The following LZTR1 variants were observed in gnomAD, a reference collection of about 807,000 sequenced individuals.
The protein encoded by LZTR1 is leucine-zipper-like transcriptional regulator 1.
In LZTR1, 260 loss-of-function variants were observed where a neutral mutation model predicts 105.7. The ratio of observed to expected loss-of-function variants is 2.46; its 90% CI spans 2.22 to 2.72. LZTR1 has a LOEUF of 2.72. Among genes scored for constraint, LZTR1 ranks in the 30% most tolerant of loss-of-function variants. The probability of loss-of-function intolerance (pLI) is 0.00; values close to 1 mark genes in which losing one functional copy is unlikely to be tolerated. For synonymous variants in LZTR1, 490 were observed against 476.4 expected (o/e 1.03, Z -0.37); for missense variants, 1,214 against 1,166.9 (o/e 1.04, Z -0.59).
intron 1 of LZTR1, 28 bp downstream of exon 1, chr22:20,982,599 G>C (rs1266744695): frequency 6.2e-7 from 1 of 1,603,976 alleles, no homozygotes; most frequent in Admixed American, 1.7e-5. Flanking sequence ...GGGTCCTGAG[G>C]ACAGGAAGGG....
intron 3 of LZTR1, chr22:20,986,658 TTATA>T (rs957133380): frequency 2.0e-5 from 3 of 152,108 alleles, no homozygotes; most frequent in East Asian, 1.9e-4. Context: ...GATGGATAGA[TTATA>T]TAGGTAGATG....
intron 3 of LZTR1, chr22:20,986,629 T>C (rs1924398443): frequency 6.6e-6 from 1 of 152,042 alleles, no homozygotes; most frequent in African/African-American, 2.4e-5. Context: ...GGTAGATAGA[T>C]GATAGATGAC....
At chr22:20,996,315 AG>A in intron 18 of LZTR1, 1 of 624,750 alleles carries the variant, frequency 1.6e-6, no homozygotes, top group Non-Finnish European at 2.8e-6. Flanking sequence ...TGCAGCCAGG[AG>A]GAACCAGTGG....
intron 16 of LZTR1, chr22:20,995,451 C>T (rs1924798206): frequency 1.6e-6 from 1 of 643,536 alleles, no homozygotes; most frequent in South Asian, 1.5e-5. Context: ...CACCAGAGGC[C>T]ATGCAGTGGG....
chr22:20,985,529 T>C (rs1222856536), intron 2 of LZTR1, among the ~76,000 whole-genome samples: 2 of 142,202 alleles, frequency 1.4e-5, no homozygotes, highest in African/African-American at 6.3e-5. Context: ...TGAGGGTGAC[T>C]CTGGCCTTTG....
At chr22:20,987,181 G>A (rs1225961711) in intron 3 of LZTR1, 3 of 227,058 alleles carry the variant, frequency 1.3e-5, no homozygotes, top group Non-Finnish European at 2.6e-5. Context: ...ATCACCTGAG[G>A]TCAGAACTTC....
At position 20,994,880 on chromosome 22, in the gene LZTR1, T is replaced by G; in HGVS notation, c.1796T>G (p.Leu599Arg). 1 of 1,613,358 alleles carries G rather than the reference T, an allele frequency of 6.2e-7. No homozygotes were observed. The highest frequency in any genetic ancestry group is 8.5e-7 in the Non-Finnish European group (1 of 1,179,956). ...LQLSQLKEHC[L>R]NFVVKESHFN... ...GCCTGTCTGCCCCAGGAGCACTGCC[T>G]GAACTTCGTGGTAAAGGAGTCCCAC... The change falls in exon 16 of 21, where the codon CTG (leucine) becomes CGG (arginine). Residue 599 changes from leucine to arginine, a missense_variant. Physicochemically the swap from Leu to Arg is moderately radical, Grantham distance 102. Coordinates refer to ENST00000646124, the MANE Select transcript of LZTR1 (RefSeq NM_006767.4).
rs758783465 is a variant in LZTR1 at position 20,994,274 on chromosome 22, G to A, written c.1615+5G>A. Reference sequence around the variant, plus strand: ...AGATCAAATACCCACGGAAAGGTCCGCCTGGGTGGGGGTGGAGCAGGGTTG... The same window carrying A: ...AGATCAAATACCCACGGAAAGGTCCACCTGGGTGGGGGTGGAGCAGGGTTG... On this transcript the variant is annotated splice_donor_5th_base_variant and intron_variant, in intron 14 of 20. Transcript: ENST00000646124. 41 of 1,596,972 alleles carry A rather than the reference G, an allele frequency of 2.6e-5. No homozygotes were observed. Among genetic ancestry groups the A allele is most frequent in the Admixed American group, 1.7e-4 (10 of 59,886 alleles).
chr22:20,997,288 A>T lies in LZTR1; in HGVS notation c.2463A>T (p.Ile821=). 1 of 1,613,838 alleles carries T rather than the reference A, an allele frequency of 6.2e-7. No homozygotes were observed. The highest frequency in any genetic ancestry group is 8.5e-7 in the Non-Finnish European group (1 of 1,179,988). The stretch of plus-strand genomic sequence containing the variant: ...GCCAGCAGCTGCTGCTGGACATCAT[A>T]GACTCCCTGGCCTCCCACATCTCAG... The part of the protein sequence containing the change: ...SLSQQLLLDI[I]DSLASHISDK... Residue 821 remains isoleucine, a synonymous_variant, in exon 21 of 21, where the codon ATA becomes ATT. Coordinates refer to ENST00000646124, the MANE Select transcript of LZTR1 (RefSeq NM_006767.4).
intron 3 of LZTR1, chr22:20,986,822 G>A (rs187191448): frequency 8.3e-4 from 127 of 152,390 alleles, no homozygotes; most frequent in Middle Eastern, 3.4e-3. Flanking sequence ...CTGAGAGCAG[G>A]AGTGTGGATG....
rs1455510796 is a variant in LZTR1, at chr22:20,996,811, C to G, written c.2325+10C>G. The G allele has an allele frequency of 5.0e-6, 8 of 1,613,306 alleles. No individual in the cohort carries two copies. The South Asian group carries it at 6.6e-5, about 13-fold the overall frequency. ...GCAGAACGTGCTGCAGGTAGCCCCC[C>G]AGCCCCGTGCACATGGCTGCAGCTC... On this transcript the variant is annotated intron_variant, in intron 19 of 20. Transcript: ENST00000646124.
At chr22:20,993,432 C>G in intron 11 of LZTR1, 1 of 586,020 alleles carries the variant, frequency 1.7e-6, no homozygotes, top group Non-Finnish European at 3.1e-6. Flanking sequence ...GCAGGGGAGC[C>G]CTTTCCTGCT....
rs1295719843 is a variant in LZTR1, at chr22:20,991,740, G to A, written c.904G>A (p.Ala302Thr). The A allele has an allele frequency of 1.3e-6, 2 of 1,573,350 alleles. No homozygotes were observed. The highest frequency in any genetic ancestry group is 1.3e-5 in the African/African-American group (1 of 74,342). The change falls in exon 9 of 21, where the codon GCG becomes ACG. Residue 302 changes from alanine (A) to threonine (T), a missense_variant. Transcript: ENST00000646124. ...FDRHLYVFGG[A>T]ADNTLPNELH... Reference sequence around the variant, plus strand: ...CCGCCACCTCTATGTGTTTGGGGGTGCGGCCGACAACACGCTGCCCAACGA... The same window carrying A: ...CCGCCACCTCTATGTGTTTGGGGGTACGGCCGACAACACGCTGCCCAACGA...
At chr22:20,982,701 C>T (rs1924241232) in intron 1 of LZTR1, 130 bp downstream of exon 1, 1 of 905,312 alleles carries the variant, frequency 1.1e-6, no homozygotes, top group Non-Finnish European at 1.7e-6. Context: ...TGGTGCTGTA[C>T]AGGACGCTGT....
intron 10 of LZTR1, 35 bp from the exon 11 acceptor site, chr22:20,992,759 C>G (rs73879466): frequency 1.1e-5 from 15 of 1,348,160 alleles, no homozygotes; most frequent in Non-Finnish European, 1.6e-5. Context: ...AGGCTCTGCT[C>G]CCCCACCATT....
At chr22:20,993,298 C>T (rs1924672519) in intron 11 of LZTR1, 2 of 444,660 alleles carry the variant, frequency 4.5e-6, no homozygotes, top group Admixed American at 7.2e-5. Context: ...ACAGTGAGGT[C>T]AGGGCCAGCT....
In LZTR1 at chr22:20,987,596, T is replaced by G. The variant is rs762370783; in HGVS notation, c.400+13T>G. On this transcript the variant is annotated intron_variant, in intron 4 of 20. Transcript: ENST00000646124. ...ATGTTTGTCTTTGGTAAGCAGCCTC[T>G]TGCCTCCCAGGGGCTGTGTCGCCCC... is the stretch of plus-strand genomic sequence containing the variant. 1 of 1,613,470 alleles carries G rather than the reference T, an allele frequency of 6.2e-7. No individual in the cohort carries two copies. The highest frequency in any genetic ancestry group is 1.1e-5 in the South Asian group (1 of 91,080).
chr22:20,984,610 AGGAGGGG>A (rs1396090500), intron 2 of LZTR1, among the ~76,000 whole-genome samples: 1 of 19,728 alleles, frequency 5.1e-5, no homozygotes, highest in Non-Finnish European at 1.1e-4. Context: ...GGGGCAAGTA[AGGAGGGG>A]GGGGGGGCGG....
chr22:20,995,737 T>A lies in LZTR1; in HGVS notation c.1943-9T>A. On this transcript the variant is annotated splice_polypyrimidine_tract_variant and intron_variant, in intron 16 of 20. Transcript: ENST00000646124. Reference sequence around the variant, plus strand: ...GGCTGTACCTGCTCAGGGACCCTCCTACCCCCAGGCACATCTCTGATCCAG... The same window carrying A: ...GGCTGTACCTGCTCAGGGACCCTCCAACCCCCAGGCACATCTCTGATCCAG... The A allele has an allele frequency of 2.5e-6, 4 of 1,613,418 alleles. No homozygotes were observed. Among genetic ancestry groups the A allele is most frequent in the Non-Finnish European group, 3.4e-6 (4 of 1,179,950 alleles).
Sources: allele counts gnomAD v4.1 joint callset (sites outside exome capture counted in the v4.1 genomes callset), GRCh38; gene constraint gnomAD v4.1.1; transcripts MANE v1.5; gene names NCBI Gene and HGNC (gene_info 2026-07-23, HGNC 2026-07-21).